The following NRCAM variants were observed in gnomAD, a reference collection of about 807,000 sequenced individuals.
NRCAM encodes the protein neuronal cell adhesion molecule.
A neutral mutation model predicts 156.5 loss-of-function variants in NRCAM; 83 were observed. That is an observed-to-expected ratio of 0.53 (90% CI 0.44 to 0.64). NRCAM has a LOEUF of 0.64. Ranked by LOEUF, NRCAM falls within the 30% of genes least tolerant of loss-of-function variation. The pLI, the probability that NRCAM is intolerant of heterozygous loss-of-function variation, is 0.00. For missense variants in NRCAM, 1,417 were observed against 1,597.3 expected (o/e 0.89, Z 1.92); for synonymous variants, 538 against 563.9 (o/e 0.95, Z 0.65).
At chr7:108,227,887 G>T (rs7784319) in intron 8 of NRCAM, among the ~76,000 whole-genome samples, 11,213 of 152,226 alleles carry the variant, frequency 0.074, 595 homozygotes, top group African/African-American at 0.14. Flanking sequence ...GCAGAAAAAG[G>T]CAGGAAAATG....
At chr7:108,223,927 T>C (rs755655455) in intron 10 of NRCAM, 91 bp from the exon 11 acceptor site, 1 of 693,262 alleles carries the variant, frequency 1.4e-6, no homozygotes, top group Non-Finnish European at 2.6e-6. Context: ...AAAATTCCAA[T>C]CCCTTTTTAA....
At chr7:108,277,084 G>T (rs559550055) in intron 3 of NRCAM, among the ~76,000 whole-genome samples, 3 of 152,200 alleles carry the variant, frequency 2.0e-5, no homozygotes, top group African/African-American at 7.2e-5. Context: ...CTGGCTTGTA[G>T]GGTTTCTGCA....
intron 3 of NRCAM, among the ~76,000 whole-genome samples, chr7:108,260,991 A>G (rs1322215749): frequency 6.6e-6 from 1 of 152,176 alleles, no homozygotes. Flanking sequence ...TAAGCAGGCC[A>G]GTATGATACT....
At chr7:108,456,168 G>C (rs1206431756) in intron 1 of NRCAM, 75 bp downstream of exon 1, 2 of 152,548 alleles carry the variant, frequency 1.3e-5, no homozygotes, top group Non-Finnish European at 2.9e-5. Context: ...GCAGCCTCGC[G>C]CGTCCTCCTC....
chr7:108,324,353 C>T (rs564772298), intron 2 of NRCAM, among the ~76,000 whole-genome samples: 5 of 152,292 alleles, frequency 3.3e-5, no homozygotes, highest in African/African-American at 1.2e-4. Context: ...ATTTGAGTTA[C>T]TTCATTCCCT....
chr7:108,348,446 CAGGAGCTTCAGAAAGATCTTATTTAG>C (rs1278532969), intron 2 of NRCAM, among the ~76,000 whole-genome samples: 8 of 152,222 alleles, frequency 5.3e-5, no homozygotes, highest in Admixed American at 2.0e-4. Flanking sequence ...GGGCAGGGAA[CAGGAGCTTCAGAAAGATCTTATTTAG>C]AGGACTGACA....
intron 32 of NRCAM, 26 bp downstream of exon 32, chr7:108,159,437 T>G: frequency 6.3e-7 from 1 of 1,591,364 alleles, no homozygotes; most frequent in African/African-American, 1.3e-5. Context: ...GCAGAGAAGA[T>G]GAAGAGCAGA....
chr7:108,413,536 C>A (rs907920121), intron 1 of NRCAM, among the ~76,000 whole-genome samples: 1 of 152,070 alleles, frequency 6.6e-6, no homozygotes, highest in Non-Finnish European at 1.5e-5. Flanking sequence ...CAAAACTCAC[C>A]TCCTCCAGGA....
intron 6 of NRCAM, among the ~76,000 whole-genome samples, chr7:108,234,132 T>C (rs1015859198): frequency 6.6e-6 from 1 of 152,192 alleles, no homozygotes; most frequent in Non-Finnish European, 1.5e-5. Flanking sequence ...TCTTTATAGA[T>C]GAGGAAATTA....
At chr7:108,268,613 C>CGGGGGCGGGGGGGGGG (rs1473356698) in intron 3 of NRCAM, among the ~76,000 whole-genome samples, 2 of 1,328 alleles carry the variant, frequency 1.5e-3, no homozygotes, top group African/African-American at 4.0e-3. Flanking sequence ...ATGAGCGGGG[C>CGGGGGCGGGGGGGGGG]GGGGGTGGGG....
At chr7:108,159,707 G>T (rs1478056518) in intron 31 of NRCAM, among the ~76,000 whole-genome samples, 166 bp from the exon 32 acceptor site, 1 of 152,096 alleles carries the variant, frequency 6.6e-6, no homozygotes, top group Non-Finnish European at 1.5e-5. Context: ...TGGTATTTTA[G>T]TTATTTTTGA....
chr7:108,275,587 C>T (rs190569549), intron 3 of NRCAM, among the ~76,000 whole-genome samples: 234 of 152,256 alleles, frequency 1.5e-3, no homozygotes, highest in Admixed American at 4.2e-3. Flanking sequence ...GTGATATCCC[C>T]TTTATCATTT....
chr7:108,164,608 G>A (rs1007228267), intron 30 of NRCAM, among the ~76,000 whole-genome samples: 61 of 151,918 alleles, frequency 4.0e-4, no homozygotes, highest in Non-Finnish European at 7.7e-4. Flanking sequence ...AGTGGAAGAC[G>A]GTGCTTTCAC....
chr7:108,225,768 A>G, intron 9 of NRCAM, 67 bp from the exon 10 acceptor site: 1 of 940,752 alleles, frequency 1.1e-6, no homozygotes, highest in Non-Finnish European at 1.8e-6. Context: ...AGTATTGGGC[A>G]ATAAAAGCAA....
At chr7:108,168,181 T>C in intron 29 of NRCAM, 96 bp downstream of exon 29, 2 of 1,252,192 alleles carry the variant, frequency 1.6e-6, no homozygotes, top group Non-Finnish European at 2.1e-6. Context: ...CAAGTTATTT[T>C]TCAAGATGAT....
Position 108,197,022 on chromosome 7 carries a change from A to C in NRCAM, c.1351+934T>G, listed in dbSNP as rs546276281. 5.9e-5 allele frequency among the ~76,000 whole-genome samples: 9 copies of C among 152,308 alleles called. 1 individual carries two copies. The South Asian group carries it at 1.9e-3, about 32-fold the overall frequency. Reference sequence around the variant, plus strand: ...GGAATACTATCCAGCCTTAAAAAAGAAGGAAATTCTATCATTTCCTTCATG... The same window carrying C: ...GGAATACTATCCAGCCTTAAAAAAGCAGGAAATTCTATCATTTCCTTCATG... On this transcript the variant is annotated intron_variant, in intron 14 of 32. Transcript: ENST00000379028.
chr7:108,227,082 T>C (rs1589122299), intron 8 of NRCAM, among the ~76,000 whole-genome samples: 1 of 152,328 alleles, frequency 6.6e-6, no homozygotes, highest in East Asian at 1.9e-4. Flanking sequence ...TCATCATACA[T>C]ATGACTTATT....
chr7:108,189,612 T>C (rs978445063), intron 20 of NRCAM, 33 bp downstream of exon 20: 13 of 875,302 alleles, frequency 1.5e-5, no homozygotes, highest in Non-Finnish European at 2.5e-5. Context: ...GGCCATTTAG[T>C]TGATCGGAAA....
intron 1 of NRCAM, among the ~76,000 whole-genome samples, chr7:108,401,189 G>A (rs1339378919): frequency 4.6e-5 from 7 of 152,052 alleles, no homozygotes; most frequent in Admixed American, 2.6e-4. Flanking sequence ...TTAGTAAGCC[G>A]AGATGGCGCC....
Sources: gnomAD v4.1 joint callset for allele counts (sites outside exome capture counted in the v4.1 genomes callset) on GRCh38, gnomAD v4.1.1 for gene constraint, MANE v1.5 for transcripts, NCBI Gene and HGNC (gene_info 2026-07-23, HGNC 2026-07-21) for gene names.